RNF185: variants seen among roughly 807,000 people sequenced by gnomAD.
RNF185 encodes E3 ubiquitin-protein ligase RNF185.
Under a neutral mutation model 24.9 loss-of-function variants are expected in RNF185, and 13 were observed. The observed-to-expected ratio is 0.52, with a 90% CI of 0.34 to 0.83. The LOEUF (loss-of-function observed/expected upper bound fraction) is 0.83, where lower values mean the gene tolerates loss of function less well. RNF185 is among the 40% of genes least tolerant of loss of function. RNF185 has a pLI of 0.01. For missense variants in RNF185, 184 were observed against 244.7 expected (o/e 0.75, Z 1.65); for synonymous variants, 79 against 90.3 (o/e 0.88, Z 0.71).
chr22:31,173,573 G>T (rs1281533600), intron 1 of RNF185, among the ~76,000 whole-genome samples: 1 of 152,170 alleles, frequency 6.6e-6, no homozygotes, highest in Admixed American at 6.5e-5. Flanking sequence ...ACGTTGGCTT[G>T]GGTTGGGAAG....
intron 5 of RNF185, among the ~76,000 whole-genome samples, chr22:31,199,758 T>C (rs775706401): frequency 1.9e-4 from 29 of 152,150 alleles, no homozygotes; most frequent in Non-Finnish European, 5.9e-5. Context: ...ATTGAGGAGA[T>C]GGAAACTCTT....
intron 1 of RNF185, among the ~76,000 whole-genome samples, chr22:31,184,955 G>A (rs941764710): frequency 6.8e-6 from 1 of 147,346 alleles, no homozygotes; most frequent in Admixed American, 6.8e-5. Flanking sequence ...GGAGGGGGAG[G>A]GAGAGCAATT....
intron 2 of RNF185, among the ~76,000 whole-genome samples, chr22:31,187,663 C>A (rs1322638014): frequency 6.6e-6 from 1 of 152,206 alleles, no homozygotes; most frequent in African/African-American, 2.4e-5. Context: ...TACACACATT[C>A]TGCCTCATTT....
At chr22:31,166,558 TTTCTTC>T (rs3068173) in intron 1 of RNF185, among the ~76,000 whole-genome samples, 106 of 147,582 alleles carry the variant, frequency 7.2e-4, no homozygotes, top group East Asian at 1.0e-3. Flanking sequence ...TCTATAAGCA[TTTCTTC>T]TTCTTCTTCT....
At position 31,160,188 on chromosome 22, in the gene RNF185, C is replaced by G. The variant is rs760777312; in HGVS notation, c.-164C>G. ...AGAGGGGCGGCTCCGCGTCATGTGA[C>G]TGGAGTCCGCGTAGGAGGGGTCGGA... is the stretch of plus-strand genomic sequence containing the variant. On this transcript the variant is annotated 5_prime_UTR_variant, in exon 1 of 7. Coordinates refer to ENST00000326132, the MANE Select transcript of RNF185 (RefSeq NM_152267.4). 6.5e-5 allele frequency: 10 copies of G among 152,766 alleles called. No homozygotes were observed. The highest frequency in any genetic ancestry group is 1.3e-4 in the Non-Finnish European group (9 of 68,182). 9.5% of individuals were successfully genotyped at this position (152,766 alleles called of 1,614,324 possible).
chr22:31,173,671 A>T (rs1203682440), intron 1 of RNF185, among the ~76,000 whole-genome samples: 1 of 152,154 alleles, frequency 6.6e-6, no homozygotes, highest in Non-Finnish European at 1.5e-5. Context: ...GCTAATGATG[A>T]TACAGTAGTG....
chr22:31,203,582 T>C (rs1328454383), intron 6 of RNF185, among the ~76,000 whole-genome samples: 3 of 152,164 alleles, frequency 2.0e-5, no homozygotes, highest in African/African-American at 7.2e-5. Context: ...ACTTAACAAA[T>C]AGTAGGCTTG....
intron 1 of RNF185, among the ~76,000 whole-genome samples, chr22:31,181,839 C>T (rs1420230495): frequency 7.0e-6 from 1 of 143,268 alleles, no homozygotes; most frequent in East Asian, 2.3e-4. Flanking sequence ...GAACATCACA[C>T]ACCTGGGCCT....
At chr22:31,192,224 C>G (rs916698551) in intron 2 of RNF185, among the ~76,000 whole-genome samples, 3 of 152,110 alleles carry the variant, frequency 2.0e-5, no homozygotes, top group African/African-American at 7.2e-5. Flanking sequence ...CTTGTGAGCC[C>G]GAGGAGACTA....
intron 4 of RNF185, 58 bp downstream of exon 4, chr22:31,195,639 C>A: frequency 9.2e-7 from 1 of 1,081,808 alleles, no homozygotes. Context: ...AATTCACTCC[C>A]ATTCAGCATC....
intron 4 of RNF185, among the ~76,000 whole-genome samples, 166 bp downstream of exon 4, chr22:31,195,747 A>T (rs2048199932): frequency 6.6e-6 from 1 of 152,182 alleles, no homozygotes; most frequent in African/African-American, 2.4e-5. Context: ...AAGAGAGGGG[A>T]TCCAAGTTGC....
Position 31,171,067 on chromosome 22 carries a change from A to G in RNF185, c.-49+10764A>G, listed in dbSNP as rs868535422. Among the ~76,000 whole-genome samples, 9 of 152,258 alleles carry G rather than the reference A, an allele frequency of 5.9e-5. No individual in the cohort carries two copies. In the South Asian group the frequency reaches 1.4e-3, roughly 25 times the overall value. On this transcript the variant is annotated intron_variant, in intron 1 of 6. Coordinates refer to ENST00000326132, the MANE Select transcript of RNF185 (RefSeq NM_152267.4). ...TATCATCTCTGCCAAGGCACTTCTT[A>G]GTGTGAGAAGCTTTTTGTTTTTTAA...
intron 1 of RNF185, among the ~76,000 whole-genome samples, chr22:31,179,573 A>T (rs2048014197): frequency 6.6e-6 from 1 of 152,186 alleles, no homozygotes; most frequent in African/African-American, 2.4e-5. Context: ...GAGGCTGTAG[A>T]TCCTGGGTGG....
Position 31,204,707 on chromosome 22 carries a change from C to G in RNF185, c.*121C>G. ...GGAATCAGTGGGATCAGTAACACAT[C>G]AAGGAGTCTTGTTTCTTCATCAGAG... On this transcript the variant is annotated 3_prime_UTR_variant, in exon 7 of 7. Coordinates refer to ENST00000326132, the MANE Select transcript of RNF185 (RefSeq NM_152267.4). The G allele has an allele frequency of 1.6e-6, 1 of 632,806 alleles. No homozygotes were observed. The highest frequency in any genetic ancestry group is 1.8e-5 in the South Asian group (1 of 55,394). 39.2% of individuals were successfully genotyped at this position (632,806 alleles called of 1,614,324 possible).
At chr22:31,161,720 C>CGAAGA (rs1266192163) in intron 1 of RNF185, among the ~76,000 whole-genome samples, 2 of 152,284 alleles carry the variant, frequency 1.3e-5, no homozygotes, top group African/African-American at 4.8e-5. Context: ...GCCTTCTCTT[C>CGAAGA]CCTGGAACAT....
intron 2 of RNF185, among the ~76,000 whole-genome samples, chr22:31,188,501 A>G (rs939420529): frequency 6.6e-6 from 1 of 152,216 alleles, no homozygotes; most frequent in African/African-American, 2.4e-5. Context: ...ATGTGAATGT[A>G]TCAAATTATC....
chr22:31,189,808 A>C (rs2084379306), intron 2 of RNF185, among the ~76,000 whole-genome samples: 1 of 151,546 alleles, frequency 6.6e-6, no homozygotes, highest in Non-Finnish European at 1.5e-5. Flanking sequence ...GTTGGCCAGG[A>C]TGGTCTCGAT....
intron 2 of RNF185, among the ~76,000 whole-genome samples, chr22:31,191,526 G>A (rs569803735): frequency 4.7e-4 from 72 of 152,210 alleles, no homozygotes; most frequent in African/African-American, 1.6e-3. Flanking sequence ...CTAAATAAAC[G>A]AGAGAAAGAA....
intron 6 of RNF185, among the ~76,000 whole-genome samples, chr22:31,202,169 G>A (rs1461532748): frequency 1.3e-5 from 2 of 152,090 alleles, no homozygotes. Flanking sequence ...ACCAACTGCT[G>A]CTGCAGTTCT....
Sources: gnomAD v4.1 joint callset for allele counts (sites outside exome capture counted in the v4.1 genomes callset) on GRCh38, gnomAD v4.1.1 for gene constraint, MANE v1.5 for transcripts, NCBI Gene and HGNC (gene_info 2026-07-23, HGNC 2026-07-21) for gene names.